ACYP2: variants seen among roughly 807,000 people sequenced by gnomAD.
ACYP2 encodes the protein acylphosphatase-2.
Under a neutral mutation model 11.2 loss-of-function variants are expected in ACYP2, and 12 were observed. That is an observed-to-expected ratio of 1.08 (90% CI 0.69 to 1.74). ACYP2 has a LOEUF of 1.74. Among genes scored for constraint, ACYP2 ranks in the 40% most tolerant of loss-of-function variants. The probability of loss-of-function intolerance (pLI) is 0.00; values close to 1 mark genes in which losing one functional copy is unlikely to be tolerated. For synonymous variants in ACYP2, 43 were observed against 32.2 expected (o/e 1.33, Z -1.13); for missense variants, 134 against 101.9 (o/e 1.31, Z -1.35).
rs924779885 is a variant in ACYP2, at chr2:54,247,297, A to AG, written c.405-57389dup. On this transcript the variant is annotated intron_variant, in intron 6 of 6. Coordinates refer to ENST00000607452, the MANE Select transcript of ACYP2 (RefSeq NM_001320586.2). ...ATTGCTGACAAGCCAAGTTTATCTT[A>AG]GGAGAGTTCTAGACAGTGACATAAT... Among the ~76,000 whole-genome samples, 256 of 152,272 alleles carry AG rather than the reference A, an allele frequency of 1.7e-3. 1 individual carries two copies. Among genetic ancestry groups the AG allele is most frequent in the African/African-American group, 5.9e-3 (247 of 41,552 alleles).
At chr2:54,098,714 C>G (rs934605698) in intron 4 of ACYP2, among the ~76,000 whole-genome samples, 4 of 143,952 alleles carry the variant, frequency 2.8e-5, no homozygotes. Flanking sequence ...TCTCTGATTT[C>G]AGACAATGTC....
At chr2:54,287,567 T>A (rs1302721822) in intron 6 of ACYP2, among the ~76,000 whole-genome samples, 1 of 151,984 alleles carries the variant, frequency 6.6e-6, no homozygotes, top group Non-Finnish European at 1.5e-5. Context: ...CAGTACAGTT[T>A]CTGCCTGGCT....
intron 4 of ACYP2, among the ~76,000 whole-genome samples, chr2:54,064,638 C>T (rs1032497142): frequency 2.0e-5 from 3 of 152,112 alleles, no homozygotes; most frequent in South Asian, 2.1e-4. Context: ...AAACACTGTA[C>T]CTTATAGATC....
chr2:54,122,435 A>G (rs539513168), intron 4 of ACYP2, among the ~76,000 whole-genome samples: 2 of 152,308 alleles, frequency 1.3e-5, no homozygotes, highest in South Asian at 2.1e-4. Flanking sequence ...TGTCTGCCCC[A>G]GTTTCCAGAG....
At chr2:54,256,041 T>C (rs536180436) in intron 6 of ACYP2, 1 of 1,614,126 alleles carries the variant, frequency 6.2e-7, no homozygotes, top group East Asian at 2.2e-5. Context: ...CAAACATATC[T>C]GCCATTACCT....
At chr2:54,141,065 A>G (rs1044534044) in intron 6 of ACYP2, among the ~76,000 whole-genome samples, 2 of 152,078 alleles carry the variant, frequency 1.3e-5, no homozygotes, top group African/African-American at 4.8e-5. Flanking sequence ...AGTAAGTTGG[A>G]GCATCTTTAT....
intron 4 of ACYP2, among the ~76,000 whole-genome samples, chr2:54,110,162 G>T (rs1468472995): frequency 6.6e-6 from 1 of 152,110 alleles, no homozygotes; most frequent in Admixed American, 6.5e-5. Flanking sequence ...CACAAAATTA[G>T]AGAATAGTAT....
At chr2:54,057,062 T>C (rs991972074) in intron 3 of ACYP2, among the ~76,000 whole-genome samples, 1 of 152,186 alleles carries the variant, frequency 6.6e-6, no homozygotes, top group African/African-American at 2.4e-5. Flanking sequence ...TAAAATAGCT[T>C]TCTAGTGTGT....
At position 54,115,468 on chromosome 2, in the gene ACYP2, C is replaced by T. The variant is rs1360222596; in HGVS notation, c.278-19985C>T. 13 of 1,179,292 alleles carry T rather than the reference C, an allele frequency of 1.1e-5. No individual in the cohort carries two copies. In the South Asian group the frequency reaches 1.8e-4, roughly 16 times the overall value. 73.1% of individuals were successfully genotyped at this position (1,179,292 alleles called of 1,614,324 possible). On this transcript the variant is annotated intron_variant, in intron 4 of 6. Coordinates refer to ENST00000607452, the MANE Select transcript of ACYP2 (RefSeq NM_001320586.2). Reference sequence around the variant, plus strand: ...AGTCCGGGAAGAGAGGCCTAGGATGCCTGGGGCCCAGCGGCCTCTTCCCTC... The same window carrying T: ...AGTCCGGGAAGAGAGGCCTAGGATGTCTGGGGCCCAGCGGCCTCTTCCCTC...
intron 6 of ACYP2, among the ~76,000 whole-genome samples, chr2:54,216,001 T>C (rs1685544366): frequency 6.6e-6 from 1 of 152,210 alleles, no homozygotes; most frequent in South Asian, 2.1e-4. Context: ...GATACAAATA[T>C]TTTTAAATTA....
chr2:54,138,405 A>G (rs558500881), intron 5 of ACYP2, among the ~76,000 whole-genome samples: 38 of 152,326 alleles, frequency 2.5e-4, no homozygotes, highest in African/African-American at 8.4e-4. Flanking sequence ...GTAGTTTTTC[A>G]TAATGTTTTT....
chr2:54,195,791 T>C (rs1682106), intron 6 of ACYP2, among the ~76,000 whole-genome samples: 1 of 138,600 alleles, frequency 7.2e-6, no homozygotes, highest in Non-Finnish European at 1.5e-5. Context: ...CGTTTTGTTG[T>C]GGGTTTTTTT....
At chr2:54,057,186 G>T in intron 3 of ACYP2, 1 of 396,188 alleles carries the variant, frequency 2.5e-6, no homozygotes, top group South Asian at 1.3e-4. Context: ...CCTGCCCTTG[G>T]GGTTTCTTGG....
chr2:54,200,189 G>C (rs1184313707), intron 6 of ACYP2, among the ~76,000 whole-genome samples: 3 of 152,026 alleles, frequency 2.0e-5, no homozygotes, highest in African/African-American at 7.2e-5. Flanking sequence ...TGTGTCCTTG[G>C]GCTAATTAAT....
At chr2:54,047,918 G>A (rs1187540867) in intron 2 of ACYP2, among the ~76,000 whole-genome samples, 1 of 152,222 alleles carries the variant, frequency 6.6e-6, no homozygotes, top group African/African-American at 2.4e-5. Flanking sequence ...TGGCTAGGGA[G>A]ATAGAATTGA....
chr2:54,022,105 A>G (rs1343269548), intron 2 of ACYP2, among the ~76,000 whole-genome samples: 2 of 152,150 alleles, frequency 1.3e-5, no homozygotes, highest in African/African-American at 4.8e-5. Context: ...TACAACTCAT[A>G]TATTTGTCAT....
chr2:54,255,824 T>TG, intron 6 of ACYP2: 4 of 1,614,010 alleles, frequency 2.5e-6, no homozygotes, highest in Non-Finnish European at 3.4e-6. Flanking sequence ...TTTTTGAGGC[T>TG]GCCGTCAGTT....
At chr2:54,088,199 G>C (rs1183270736) in intron 4 of ACYP2, among the ~76,000 whole-genome samples, 1 of 152,198 alleles carries the variant, frequency 6.6e-6, no homozygotes, top group Non-Finnish European at 1.5e-5. Flanking sequence ...GTATTCCAGA[G>C]AGTGTTAGGG....
At chr2:54,199,760 T>G (rs1337942032) in intron 6 of ACYP2, among the ~76,000 whole-genome samples, 1 of 152,206 alleles carries the variant, frequency 6.6e-6, no homozygotes, top group Non-Finnish European at 1.5e-5. Context: ...TTAAGAACTA[T>G]GGAGCTGCAG....
Sources: allele counts gnomAD v4.1 joint callset (sites outside exome capture counted in the v4.1 genomes callset), GRCh38; gene constraint gnomAD v4.1.1; transcripts MANE v1.5; gene names NCBI Gene and HGNC (gene_info 2026-07-23, HGNC 2026-07-21).